Variants in PRKCE observed in about 807,000 individuals in gnomAD.
The protein encoded by PRKCE is protein kinase C epsilon.
A neutral mutation model predicts 85.4 loss-of-function variants in PRKCE; 16 were observed. The observed-to-expected ratio is 0.19, with a 90% CI of 0.13 to 0.28. The LOEUF (loss-of-function observed/expected upper bound fraction) is 0.28. PRKCE is among the 10% of genes least tolerant of loss of function. PRKCE has a pLI of 1.00. For synonymous variants in PRKCE, 388 were observed against 371.5 expected (o/e 1.04, Z -0.51); for missense variants, 573 against 975.2 (o/e 0.59, Z 5.49).
intron 10 of PRKCE, among the ~76,000 whole-genome samples, chr2:46,075,793 C>T (rs550367370): frequency 4.9e-4 from 75 of 152,284 alleles, no homozygotes; most frequent in African/African-American, 1.7e-3. Context: ...AGGGATTTGA[C>T]TAAGGCATCC....
chr2:45,934,880 A>G (rs1699312990), intron 2 of PRKCE, among the ~76,000 whole-genome samples: 1 of 131,196 alleles, frequency 7.6e-6, no homozygotes, highest in South Asian at 2.6e-4. Context: ...TGGAGAGACC[A>G]TGTCTCTACA....
intron 14 of PRKCE, among the ~76,000 whole-genome samples, chr2:46,172,227 C>T (rs1378278187): frequency 6.6e-6 from 1 of 152,156 alleles, no homozygotes; most frequent in East Asian, 1.9e-4. Context: ...AGCGCCAGGC[C>T]CTCTTTCCCC....
intron 12 of PRKCE, 105 bp from the exon 13 acceptor site, chr2:46,150,936 G>C: frequency 1.9e-6 from 2 of 1,050,476 alleles, no homozygotes; most frequent in Non-Finnish European, 1.4e-6. Context: ...CAACTGTAGG[G>C]AGGAGCAAGT....
intron 1 of PRKCE, among the ~76,000 whole-genome samples, chr2:45,782,411 T>C (rs1011714531): frequency 5.3e-5 from 8 of 152,176 alleles, no homozygotes; most frequent in South Asian, 2.1e-4. Context: ...ACTTCGATTC[T>C]GATCCTCCAT....
At chr2:45,752,917 G>C (rs1440858174) in intron 1 of PRKCE, among the ~76,000 whole-genome samples, 1 of 152,076 alleles carries the variant, frequency 6.6e-6, no homozygotes, top group Non-Finnish European at 1.5e-5. Flanking sequence ...ACTACAGATG[G>C]GGCACCGGCT....
chr2:45,776,492 G>A (rs910549505), intron 1 of PRKCE, among the ~76,000 whole-genome samples: 2 of 152,156 alleles, frequency 1.3e-5, no homozygotes, highest in African/African-American at 2.4e-5. Context: ...CCTAATAAAC[G>A]GACCAAGCCC....
At chr2:45,822,115 T>G (rs1377241212) in intron 1 of PRKCE, among the ~76,000 whole-genome samples, 2 of 152,216 alleles carry the variant, frequency 1.3e-5, no homozygotes, top group Non-Finnish European at 2.9e-5. Flanking sequence ...GTCATTTGTG[T>G]GTACCTTTTC....
intron 1 of PRKCE, among the ~76,000 whole-genome samples, chr2:45,688,039 G>C (rs952649747): frequency 6.6e-6 from 1 of 152,170 alleles, no homozygotes; most frequent in Non-Finnish European, 1.5e-5. Flanking sequence ...AGTGTCTCAA[G>C]GGAGAAGTTT....
In PRKCE at chr2:46,001,327, T is replaced by C. The variant is rs967506752; in HGVS notation, c.824-77T>C. 4.8e-5 allele frequency: 68 copies of C among 1,404,018 alleles called. No individual in the cohort carries two copies. In the South Asian group the frequency reaches 9.1e-4, roughly 19 times the overall value. The allele number at this position is 1,404,018 out of a possible 1,614,324, so 87.0% of individuals were successfully genotyped here. A position where few individuals can be genotyped will look rare whatever the true frequency, so the allele number is the denominator to read the frequency against. On this transcript the variant is annotated intron_variant, in intron 6 of 14. Coordinates refer to ENST00000306156, the MANE Select transcript of PRKCE (RefSeq NM_005400.3). This position sits in a 1 kb window ranked among gnomAD's most constrained non-coding sequence, Gnocchi z 4.4. ...GAACATGTAATACTTCATGAACATA[T>C]AATACAATCTCAAAGAAAAGAAGCA...
intron 12 of PRKCE, among the ~76,000 whole-genome samples, chr2:46,147,451 A>T (rs1676182604): frequency 6.6e-6 from 1 of 152,250 alleles, no homozygotes; most frequent in African/African-American, 2.4e-5. Flanking sequence ...CATTCACTTT[A>T]TAATGAACAA....
chr2:45,728,571 A>T (rs557169249), intron 1 of PRKCE, among the ~76,000 whole-genome samples: 1 of 152,254 alleles, frequency 6.6e-6, no homozygotes, highest in East Asian at 1.9e-4. Context: ...TGCCGCTGGA[A>T]TCTTTGTATC....
chr2:45,994,230 C>T (rs1275543671), intron 6 of PRKCE, among the ~76,000 whole-genome samples: 2 of 152,138 alleles, frequency 1.3e-5, no homozygotes, highest in Non-Finnish European at 2.9e-5. Context: ...CCTCCCTCAC[C>T]ATCAGCATTC....
At chr2:45,928,002 C>G (rs367797619) in intron 2 of PRKCE, among the ~76,000 whole-genome samples, 2 of 152,042 alleles carry the variant, frequency 1.3e-5, no homozygotes, top group South Asian at 2.1e-4. Context: ...AGCCCAGGGC[C>G]GAGGAAGAGT....
chr2:45,727,905 G>A (rs1179981585), intron 1 of PRKCE, among the ~76,000 whole-genome samples: 4 of 152,032 alleles, frequency 2.6e-5, no homozygotes, highest in Non-Finnish European at 5.9e-5. Flanking sequence ...TGCCTGCCTC[G>A]GCCTCCCAAA....
At chr2:46,157,052 A>T (rs568864536) in intron 13 of PRKCE, among the ~76,000 whole-genome samples, 40 of 152,118 alleles carry the variant, frequency 2.6e-4, no homozygotes, top group Non-Finnish European at 5.1e-4. Context: ...ACTCAGTGAG[A>T]TCTTGCAACA....
chr2:46,043,001 C>T (rs1708302893), intron 10 of PRKCE, among the ~76,000 whole-genome samples: 1 of 152,150 alleles, frequency 6.6e-6, no homozygotes, highest in Non-Finnish European at 1.5e-5. Context: ...CTGAGGGACC[C>T]TCTTTGTTTT....
intron 2 of PRKCE, chr2:45,845,536 A>T (rs1190957867): frequency 1.3e-5 from 2 of 152,134 alleles, no homozygotes; most frequent in African/African-American, 2.4e-5. Flanking sequence ...AATGGAAAAA[A>T]ATACATTCAT....
At chr2:45,693,151 G>A (rs1468504367) in intron 1 of PRKCE, among the ~76,000 whole-genome samples, 1 of 152,140 alleles carries the variant, frequency 6.6e-6, no homozygotes, top group African/African-American at 2.4e-5. Context: ...GCAATGGATG[G>A]GTGGGTGGGA....
intron 13 of PRKCE, among the ~76,000 whole-genome samples, chr2:46,158,228 G>A (rs768931077): frequency 2.6e-5 from 4 of 152,202 alleles, no homozygotes; most frequent in Non-Finnish European, 5.9e-5. Flanking sequence ...GGAATGTGGG[G>A]AGGCTTCACA....
Sources: gnomAD v4.1 joint callset for allele counts (sites outside exome capture counted in the v4.1 genomes callset) on GRCh38, gnomAD v4.1.1 for gene constraint, Gnocchi (gnomAD v3.1) non-coding constraint, MANE v1.5 for transcripts, NCBI Gene and HGNC (gene_info 2026-07-23, HGNC 2026-07-21) for gene names.